RHOBTB1: variants seen among roughly 807,000 people sequenced by gnomAD.
RHOBTB1 encodes rho-related BTB domain-containing protein 1.
RHOBTB1 carries 40 observed loss-of-function variants against 71.6 expected under a neutral mutation model. The ratio of observed to expected loss-of-function variants is 0.56; its 90% confidence interval spans 0.43 to 0.73. The LOEUF is 0.73. RHOBTB1 is among the 30% of genes least tolerant of loss of function. The probability of loss-of-function intolerance (pLI) is 0.00; values close to 1 mark genes in which losing one functional copy is unlikely to be tolerated. For missense variants in RHOBTB1, 797 were observed against 894.0 expected (o/e 0.89, Z 1.38); for synonymous variants, 319 against 334.9 (o/e 0.95, Z 0.52).
chr10:60,868,511 C>T (rs1422406712), downstream of RHOBTB1, among the ~76,000 whole-genome samples: 1 of 152,156 alleles, frequency 6.6e-6, no homozygotes, highest in East Asian at 1.9e-4. Context: ...TGACGAAAAA[C>T]TGAATTTTGA....
chr10:60,905,317 G>A (rs145761338), intron 4 of RHOBTB1, among the ~76,000 whole-genome samples: 2,495 of 151,856 alleles, frequency 0.016, 27 homozygotes, highest in African/African-American at 0.038. Flanking sequence ...GGGTGTGGTG[G>A]TGGGCACCTG....
At chr10:60,924,139 A>G (rs967898825) in intron 2 of RHOBTB1, among the ~76,000 whole-genome samples, 18 of 152,200 alleles carry the variant, frequency 1.2e-4, no homozygotes, top group Non-Finnish European at 5.9e-5. Context: ...TTACATATCA[A>G]TGACAAACAA....
At chr10:60,899,533 T>C (rs1347789040) in intron 4 of RHOBTB1, among the ~76,000 whole-genome samples, 1 of 152,194 alleles carries the variant, frequency 6.6e-6, no homozygotes, top group African/African-American at 2.4e-5. Flanking sequence ...ACCAGCACGA[T>C]CATTTGACCA....
chr10:60,866,068 G>A (rs146747464), downstream of RHOBTB1, among the ~76,000 whole-genome samples: 4,252 of 152,292 alleles, frequency 0.028, 183 homozygotes, highest in African/African-American at 0.098. Flanking sequence ...CTGACCTCAA[G>A]TGATATGACT....
chr10:60,874,156 A>G (rs2080933339), intron 9 of RHOBTB1, among the ~76,000 whole-genome samples: 1 of 152,246 alleles, frequency 6.6e-6, no homozygotes, highest in East Asian at 1.9e-4. Context: ...GAGGGAGCAC[A>G]GGAAGCCAAA....
At chr10:60,988,626 G>A (rs2086752617) in intron 1 of RHOBTB1, among the ~76,000 whole-genome samples, 1 of 152,084 alleles carries the variant, frequency 6.6e-6, no homozygotes, top group African/African-American at 2.4e-5. Context: ...TTGTCGCAAG[G>A]GACATGATTT....
intron 2 of RHOBTB1, among the ~76,000 whole-genome samples, chr10:60,927,143 C>T (rs1045147863): frequency 3.9e-5 from 6 of 151,976 alleles, no homozygotes; most frequent in African/African-American, 1.4e-4. Context: ...AAACAAAATG[C>T]CTAGGAATAA....
At chr10:60,956,329 GT>G (rs2085591822) in intron 2 of RHOBTB1, among the ~76,000 whole-genome samples, 1 of 152,180 alleles carries the variant, frequency 6.6e-6, no homozygotes, top group African/African-American at 2.4e-5. Flanking sequence ...ACTGGAAGTT[GT>G]TCTGGGTGAG....
At position 60,892,988 on chromosome 10, in the gene RHOBTB1, C is replaced by T; in HGVS notation, c.304G>A (p.Val102Ile). The change falls in exon 5 of 11, where the codon GTT becomes ATT. Residue 102 changes from valine to isoleucine, a missense_variant. Physicochemically the swap from Val to Ile is conservative, Grantham distance 29. Transcript: ENST00000337910. ...GCAATCGAAAAACAGAGGACCACAA[C>T]ATCAGACCTAAAAGGAAATCATAAA... ...DRRFAYGRSD[V>I]VVLCFSIANP... The T allele has an allele frequency of 3.1e-6, 5 of 1,611,688 alleles. No individual in the cohort carries two copies. The South Asian group carries it at 5.5e-5, about 18-fold the overall frequency.
At chr10:60,864,422 A>T in the RHOBTB1 span, among the ~76,000 whole-genome samples, 1 of 152,184 alleles carries the variant, frequency 6.6e-6, no homozygotes, top group African/African-American at 2.4e-5. Flanking sequence ...CCAGTTGGCC[A>T]TGGAAATATT....
chr10:60,948,780 C>T (rs2085318118), upstream of RHOBTB1, among the ~76,000 whole-genome samples: 1 of 152,150 alleles, frequency 6.6e-6, no homozygotes, highest in African/African-American at 2.4e-5. Flanking sequence ...TGCAGTTAAG[C>T]CAGTGGCTTT....
intron 1 of RHOBTB1, among the ~76,000 whole-genome samples, chr10:60,991,667 G>T (rs2086874479): frequency 6.6e-6 from 1 of 151,926 alleles, no homozygotes; most frequent in African/African-American, 2.4e-5. Context: ...TCCTGACCTT[G>T]TGATCCACCC....
At chr10:60,915,838 G>C (rs75948496) in intron 2 of RHOBTB1, among the ~76,000 whole-genome samples, 6,931 of 152,126 alleles carry the variant, frequency 0.046, 270 homozygotes, top group African/African-American at 0.099. Context: ...AGCGTTCTTG[G>C]GCCTACAGGA....
intron 4 of RHOBTB1, among the ~76,000 whole-genome samples, chr10:60,900,425 G>A (rs191049172): frequency 2.6e-4 from 39 of 152,266 alleles, no homozygotes; most frequent in Non-Finnish European, 4.9e-4. Context: ...ATAATGATAA[G>A]CTTTTTCGTG....
intron 2 of RHOBTB1, among the ~76,000 whole-genome samples, chr10:60,982,882 T>C (rs2134828972): frequency 6.6e-6 from 1 of 152,306 alleles, no homozygotes; most frequent in African/African-American, 2.4e-5. Flanking sequence ...TCATTTGCCC[T>C]CTTTCCTCTT....
chr10:60,952,522 C>T (rs985086886), intron 2 of RHOBTB1, among the ~76,000 whole-genome samples: 3 of 152,038 alleles, frequency 2.0e-5, no homozygotes, highest in East Asian at 1.9e-4. Context: ...ATGAGGAAGC[C>T]GAGGATCAAA....
In RHOBTB1 at chr10:60,870,673, C is replaced by T. The variant is rs568909688; in HGVS notation, c.*809G>A. The T allele has an allele frequency of 6.6e-6, 1 of 152,504 alleles. No homozygotes were observed. Among genetic ancestry groups the T allele is most frequent in the Admixed American group, 6.5e-5 (1 of 15,304 alleles). 9.4% of individuals were successfully genotyped at this position (152,504 alleles called of 1,614,324 possible). ...ATACAGCAATCCGAACACCAGCGCA[C>T]TAATGGTATCTTATGTATTCAGGTC... is the stretch of plus-strand genomic sequence containing the variant. On this transcript the variant is annotated 3_prime_UTR_variant, in exon 11 of 11. Transcript: ENST00000337910.
At chr10:60,915,855 A>G (rs894441603) in intron 2 of RHOBTB1, among the ~76,000 whole-genome samples, 6 of 152,182 alleles carry the variant, frequency 3.9e-5, no homozygotes, top group Non-Finnish European at 7.3e-5. Context: ...AGGATGGTGC[A>G]GCCCACATCC....
At chr10:60,902,241 A>G (rs1319460089) in intron 4 of RHOBTB1, among the ~76,000 whole-genome samples, 2 of 152,170 alleles carry the variant, frequency 1.3e-5, no homozygotes, top group Admixed American at 6.5e-5. Flanking sequence ...CTGCAATTCT[A>G]TGCTTGAGTT....
Sources: gnomAD v4.1 joint callset for allele counts (sites outside exome capture counted in the v4.1 genomes callset) on GRCh38, gnomAD v4.1.1 for gene constraint, MANE v1.5 for transcripts, NCBI Gene and HGNC (gene_info 2026-07-23, HGNC 2026-07-21) for gene names.